C12orf42: variants seen among roughly 807,000 people sequenced by gnomAD.
C12orf42 encodes uncharacterized protein C12orf42.
A neutral mutation model predicts 21.6 loss-of-function variants in C12orf42; 25 were observed. The observed-to-expected ratio is 1.16, with a 90% CI of 0.84 to 1.62. The LOEUF is 1.62. C12orf42 is among the 40% of genes most tolerant of loss of function. The pLI, the probability that C12orf42 is intolerant of heterozygous loss-of-function variation, is 0.00. For synonymous variants in C12orf42, 174 were observed against 175.0 expected (o/e 0.99, Z 0.05); for missense variants, 483 against 459.3 (o/e 1.05, Z -0.47).
At chr12:103,359,260 G>A (rs927516967) in intron 4 of C12orf42, among the ~76,000 whole-genome samples, 2 of 151,936 alleles carry the variant, frequency 1.3e-5, no homozygotes, top group Admixed American at 1.3e-4. Flanking sequence ...GTTCATTGAA[G>A]TGTAATTTGT....
chr12:103,146,417 T>C, the C12orf42 span, among the ~76,000 whole-genome samples: 1 of 147,856 alleles, frequency 6.8e-6, no homozygotes, highest in East Asian at 2.0e-4. Flanking sequence ...GAAGTGAAGG[T>C]TGCAATGAGC....
At chr12:103,288,087 G>A (rs2036584579) in intron 4 of C12orf42, among the ~76,000 whole-genome samples, 1 of 152,124 alleles carries the variant, frequency 6.6e-6, no homozygotes, top group Non-Finnish European at 1.5e-5. Context: ...AGCAGTGAAA[G>A]GCCCAAGATA....
chr12:103,393,529 A>C (rs563022714), intron 3 of C12orf42, among the ~76,000 whole-genome samples: 2 of 152,090 alleles, frequency 1.3e-5, no homozygotes, highest in Non-Finnish European at 2.9e-5. Flanking sequence ...GCTGCTTGCA[A>C]ATAAGGCTCT....
the C12orf42 span, among the ~76,000 whole-genome samples, chr12:103,150,482 G>A: frequency 6.6e-6 from 1 of 152,206 alleles, no homozygotes. Context: ...CCATAGGCTA[G>A]CCACTGTGCT....
intron 10 of C12orf42, among the ~76,000 whole-genome samples, chr12:103,239,806 T>C (rs1273800932): frequency 1.3e-5 from 2 of 152,134 alleles, no homozygotes; most frequent in African/African-American, 2.4e-5. Flanking sequence ...AGGAAGGAGA[T>C]ACTGAAGATG....
At chr12:103,512,171 T>C in the C12orf42 span, among the ~76,000 whole-genome samples, 1 of 152,174 alleles carries the variant, frequency 6.6e-6, no homozygotes, top group African/African-American at 2.4e-5. Context: ...TTGGTTCCCT[T>C]TAAGGAAATA....
At chr12:103,114,887 G>GT in the C12orf42 span, among the ~76,000 whole-genome samples, 3 of 152,196 alleles carry the variant, frequency 2.0e-5, no homozygotes, top group Non-Finnish European at 4.4e-5. Context: ...AAATGACTCA[G>GT]TGTTTACCAG....
chr12:103,240,568 T>C (rs745368586), intron 10 of C12orf42, among the ~76,000 whole-genome samples: 5 of 152,142 alleles, frequency 3.3e-5, no homozygotes, highest in Admixed American at 3.3e-4. Flanking sequence ...ATAAGAGTAG[T>C]TGGACTGTGT....
the C12orf42 span, among the ~76,000 whole-genome samples, chr12:103,141,863 A>G: frequency 6.6e-6 from 1 of 152,158 alleles, no homozygotes; most frequent in East Asian, 1.9e-4. Context: ...TGTTCACTGT[A>G]GAATCTAGGT....
the C12orf42 span, among the ~76,000 whole-genome samples, chr12:103,201,644 A>G: frequency 6.6e-6 from 1 of 152,168 alleles, no homozygotes; most frequent in Non-Finnish European, 1.5e-5. Context: ...TTGTAAGAGG[A>G]TCAGCTTCGA....
At chr12:103,154,871 T>C in the C12orf42 span, among the ~76,000 whole-genome samples, 6 of 152,340 alleles carry the variant, frequency 3.9e-5, no homozygotes, top group Non-Finnish European at 8.8e-5. Context: ...TTATGGATTA[T>C]ACATTTGCAA....
At chr12:103,187,349 T>C in the C12orf42 span, among the ~76,000 whole-genome samples, 1 of 152,172 alleles carries the variant, frequency 6.6e-6, no homozygotes, top group Admixed American at 6.5e-5. Context: ...ATTAGGGAAC[T>C]TTCCCATAGT....
chr12:103,420,957 A>T lies in C12orf42; in HGVS notation c.79-19282T>A, dbSNP rs973203843. Among the ~76,000 whole-genome samples the T allele has an allele frequency of 4.6e-5, 7 of 152,380 alleles. 1 individual carries two copies. The highest frequency in any genetic ancestry group is 2.6e-4 in the Admixed American group (4 of 15,310). ...AGAAAGCATAGTATAAAGTGAGAAG[A>T]CAGTGAACCTATTCTTACACATTTT... On this transcript the variant is annotated intron_variant, in intron 2 of 5. Coordinates refer to ENST00000548883, the MANE Select transcript of C12orf42 (RefSeq NM_198521.5).
chr12:103,420,417 G>A (rs546703177), intron 2 of C12orf42, among the ~76,000 whole-genome samples: 18 of 152,234 alleles, frequency 1.2e-4, no homozygotes, highest in East Asian at 1.9e-4. Context: ...GTACACTCAC[G>A]ATGAGCTTCC....
At chr12:103,219,229 C>A in the C12orf42 span, among the ~76,000 whole-genome samples, 1 of 152,154 alleles carries the variant, frequency 6.6e-6, no homozygotes, top group African/African-American at 2.4e-5. Context: ...GAAACTGGAC[C>A]CCTTCCTTAC....
intron 4 of C12orf42, among the ~76,000 whole-genome samples, chr12:103,294,473 A>AGAAAGAAAAAAG (rs1566025507): frequency 1.1e-5 from 1 of 91,054 alleles, no homozygotes; most frequent in Admixed American, 1.1e-4. Context: ...AAAGAAAGAA[A>AGAAAGAAAAAAG]TAAGCAAGCA....
the C12orf42 span, among the ~76,000 whole-genome samples, chr12:103,202,822 G>A: frequency 6.6e-6 from 1 of 152,110 alleles, no homozygotes. Context: ...GTGGTGAGGG[G>A]GCCAAACAAT....
chr12:103,229,038 C>T, the C12orf42 span, among the ~76,000 whole-genome samples: 2 of 152,116 alleles, frequency 1.3e-5, no homozygotes, highest in African/African-American at 4.8e-5. Context: ...ATTAATTGCA[C>T]ACCTATTATA....
At chr12:103,522,930 C>T in the C12orf42 span, among the ~76,000 whole-genome samples, 1 of 152,214 alleles carries the variant, frequency 6.6e-6, no homozygotes, top group Non-Finnish European at 1.5e-5. Context: ...AGCCTGGAAA[C>T]AAGTCCCATT....
Sources: gnomAD v4.1 joint callset for allele counts (sites outside exome capture counted in the v4.1 genomes callset) on GRCh38, gnomAD v4.1.1 for gene constraint, MANE v1.5 for transcripts, NCBI Gene and HGNC (gene_info 2026-07-23, HGNC 2026-07-21) for gene names.